The following IGSF3 variants were observed in gnomAD, a reference collection of about 807,000 sequenced individuals.
IGSF3 encodes the protein glu-Trp-Ile EWI motif-containing protein 3.
In IGSF3, 23 loss-of-function variants were observed where a neutral mutation model predicts 114.4. The ratio of observed to expected loss-of-function variants is 0.20; its 90% CI spans 0.14 to 0.28. The LOEUF is 0.28. Ranked by LOEUF, IGSF3 falls within the 10% of genes least tolerant of loss-of-function variation. The probability of loss-of-function intolerance (pLI) is 1.00; values close to 1 mark genes in which losing one functional copy is unlikely to be tolerated. For missense variants in IGSF3, 1,172 were observed against 1,591.5 expected, an observed-to-expected ratio of 0.74 and a Z score of 4.48; for synonymous variants, 571 against 645.2, an observed-to-expected ratio of 0.88 and a Z score of 1.74.
intron 2 of IGSF3, among the ~76,000 whole-genome samples, chr1:116,626,466 T>G (rs911582581): frequency 4.6e-4 from 70 of 152,360 alleles, no homozygotes; most frequent in African/African-American, 1.6e-3. Context: ...ATTTTATTTA[T>G]TCCAATATTA....
Position 116,642,405 on chromosome 1 carries a change from A to T in IGSF3, c.43+23879T>A, listed in dbSNP as rs1648148096. Among the ~76,000 whole-genome samples the T allele has an allele frequency of 6.6e-6, 1 of 152,146 alleles. No individual in the cohort carries two copies. The highest frequency in any genetic ancestry group is 2.4e-5 in the African/African-American group (1 of 41,432). On this transcript the variant is annotated intron_variant, in intron 2 of 10. Transcript: ENST00000369486. The surrounding 1 kb of genome is among the most constrained non-coding windows in gnomAD (Gnocchi z 5.4). ...TTCTGGATGCCTTCCAGCAGCTGGA[A>T]CAGGGCAGACCTGAGGCGGGAGTCC... is the stretch of plus-strand genomic sequence containing the variant.
chr1:116,601,203 T>A (rs1660567408), intron 6 of IGSF3, among the ~76,000 whole-genome samples: 1 of 152,206 alleles, frequency 6.6e-6, no homozygotes, highest in Admixed American at 6.5e-5. Flanking sequence ...CATCTCTTCC[T>A]GCAGATGTAG....
intron 2 of IGSF3, among the ~76,000 whole-genome samples, chr1:116,656,973 T>C (rs1648885098): frequency 1.3e-5 from 2 of 152,144 alleles, no homozygotes; most frequent in Admixed American, 1.3e-4. Flanking sequence ...CAAACAAATA[T>C]AAGCTACCTC....
rs181932809 is a variant in IGSF3 at position 116,610,531 on chromosome 1, A to G, written c.833-2200T>C. Among the ~76,000 whole-genome samples the G allele has an allele frequency of 2.6e-3, 391 of 152,244 alleles. 2 individuals carry two copies. Among genetic ancestry groups the G allele is most frequent in the African/African-American group, 8.8e-3 (366 of 41,558 alleles). On this transcript the variant is annotated intron_variant, in intron 4 of 10. Coordinates refer to ENST00000369486, the MANE Select transcript of IGSF3 (RefSeq NM_001007237.3). This position sits in a 1 kb window ranked among gnomAD's most constrained non-coding sequence, Gnocchi z 4.3. ...CCTTCCACTTCATCTCACTGAAATT[A>G]GGCTTCACTGACTTAGCAAATGTCA...
rs1194125203 is a variant in IGSF3 at position 116,614,069 on chromosome 1, G to A, written c.528C>T (p.His176=). 1 of 1,614,006 alleles carries A rather than the reference G, an allele frequency of 6.2e-7. No individual in the cohort carries two copies. Among genetic ancestry groups the A allele is most frequent in the East Asian group, 2.2e-5 (1 of 44,888 alleles). The change falls in exon 4 of 11, where the codon CAC becomes CAT. Residue 176 remains histidine (H), a synonymous_variant. Coordinates refer to ENST00000369486, the MANE Select transcript of IGSF3 (RefSeq NM_001007237.3). The surrounding 1 kb of genome is among the most constrained non-coding windows in gnomAD (Gnocchi z 4.5). ...TCEVASETIQ[H]SHLSVAWLRQ... is the part of the protein sequence containing the mutation. ...GGAGCCAGGCCACAGACAGGTGGCTGTGCTGAATGGTCTCTGAGGCCACCT... is the reference window on the plus strand; with the variant it reads ...GGAGCCAGGCCACAGACAGGTGGCTATGCTGAATGGTCTCTGAGGCCACCT...
rs919755838 is a variant in IGSF3 at position 116,588,636 on chromosome 1, C to T, written c.2440+58G>A. On this transcript the variant is annotated intron_variant, in intron 8 of 10. Coordinates refer to ENST00000369486, the MANE Select transcript of IGSF3 (RefSeq NM_001007237.3). This position sits in a 1 kb window ranked among gnomAD's most constrained non-coding sequence, Gnocchi z 4.9. ...CAGCCCCACAGATCCCCACCCACCC[C>T]CAGGCAGTCTCTGCACTAAACCCAC... The T allele has an allele frequency of 2.8e-6, 4 of 1,427,126 alleles. No homozygotes were observed. Among genetic ancestry groups the T allele is most frequent in the African/African-American group, 2.8e-5 (2 of 70,444 alleles). The allele number at this position is 1,427,126 out of a possible 1,614,324, so 88.4% of individuals were successfully genotyped here.
At position 116,649,319 on chromosome 1, in the gene IGSF3, GGGAGGCTGGAAAATCT is replaced by G. The variant is rs1367432271; in HGVS notation, c.43+16949_43+16964del. Among the ~76,000 whole-genome samples the G allele has an allele frequency of 1.9e-4, 29 of 152,234 alleles. No homozygotes were observed. Among genetic ancestry groups the G allele is most frequent in the Non-Finnish European group, 3.8e-4 (26 of 68,052 alleles). On this transcript the variant is annotated intron_variant, in intron 2 of 10. Coordinates refer to ENST00000369486, the MANE Select transcript of IGSF3 (RefSeq NM_001007237.3). This position sits in a 1 kb window ranked among gnomAD's most constrained non-coding sequence, Gnocchi z 4.5. ...TCACATGGCCCCAACTGAACTGTGAGGGAGGCTGGAAAATCTGGAGTATGTGCATGTCTAGTGAGTT... is the reference window on the plus strand; with the variant it reads ...TCACATGGCCCCAACTGAACTGTGAGGGAGTATGTGCATGTCTAGTGAGTT...
chr1:116,664,605 T>C lies in IGSF3; in HGVS notation c.43+1679A>G, dbSNP rs1221811814. Among the ~76,000 whole-genome samples the C allele has an allele frequency of 6.6e-6, 1 of 152,138 alleles. No homozygotes were observed. The highest frequency in any genetic ancestry group is 2.4e-5 in the African/African-American group (1 of 41,416). ...TCCACATGAATCACTAATTGCTGAT[T>C]TAAACCCAGACACTAAGCGAATGAC... On this transcript the variant is annotated intron_variant, in intron 2 of 10. Transcript: ENST00000369486. The surrounding 1 kb of genome is among the most constrained non-coding windows in gnomAD (Gnocchi z 4.6).
Position 116,662,640 on chromosome 1 carries a change from G to A in IGSF3, c.43+3644C>T, listed in dbSNP as rs933248187. 5.9e-5 allele frequency among the ~76,000 whole-genome samples: 9 copies of A among 152,176 alleles called. No individual in the cohort carries two copies. Among genetic ancestry groups the A allele is most frequent in the Non-Finnish European group, 1.2e-4 (8 of 68,020 alleles). ...ATTCTCACAGCTGAAAGGCATCCTAGTAGGCCAAGTCCTCCTGACAAGAAT... is the reference window on the plus strand; with the variant it reads ...ATTCTCACAGCTGAAAGGCATCCTAATAGGCCAAGTCCTCCTGACAAGAAT... On this transcript the variant is annotated intron_variant, in intron 2 of 10. Transcript: ENST00000369486. This position sits in a 1 kb window ranked among gnomAD's most constrained non-coding sequence, Gnocchi z 4.3.
chr1:116,652,192 G>A (rs1292126160), intron 2 of IGSF3, among the ~76,000 whole-genome samples: 3 of 152,290 alleles, frequency 2.0e-5, no homozygotes, highest in Middle Eastern at 3.4e-3. Context: ...GGGTTTCATA[G>A]GGACTATTTA....
Position 116,665,515 on chromosome 1 carries a change from T to C in IGSF3, c.43+769A>G, listed in dbSNP as rs144511782. On this transcript the variant is annotated intron_variant, in intron 2 of 10. Transcript: ENST00000369486. This position sits in a 1 kb window ranked among gnomAD's most constrained non-coding sequence, Gnocchi z 4.0. ...TCAATGGCATAAAAAGAATAGGCAA[T>C]TGTTGAGCAGAGGGGCCTCTTCACT... 3.7e-4 allele frequency among the ~76,000 whole-genome samples: 56 copies of C among 152,238 alleles called. 1 individual carries two copies. Among genetic ancestry groups the C allele is most frequent in the African/African-American group, 1.2e-3 (51 of 41,552 alleles).
chr1:116,596,081 C>G lies in IGSF3; in HGVS notation c.2029+3860G>C, dbSNP rs1200939016. Among the ~76,000 whole-genome samples the G allele has an allele frequency of 6.6e-6, 1 of 152,200 alleles. No homozygotes were observed. The highest frequency in any genetic ancestry group is 6.5e-5 in the Admixed American group (1 of 15,286). ...ATAACAGATCCACAAGTCAACTGTG[C>G]CATCCAACCAGAGATTCTGATGAAT... On this transcript the variant is annotated intron_variant, in intron 7 of 10. Coordinates refer to ENST00000369486, the MANE Select transcript of IGSF3 (RefSeq NM_001007237.3). This position sits in a 1 kb window ranked among gnomAD's most constrained non-coding sequence, Gnocchi z 4.1.
rs934755360 is a variant in IGSF3, at chr1:116,650,517, C to T, written c.43+15767G>A. Among the ~76,000 whole-genome samples, 3 of 152,182 alleles carry T rather than the reference C, an allele frequency of 2.0e-5. No individual in the cohort carries two copies. The highest frequency in any genetic ancestry group is 6.5e-5 in the Admixed American group (1 of 15,274). On this transcript the variant is annotated intron_variant, in intron 2 of 10. Coordinates refer to ENST00000369486, the MANE Select transcript of IGSF3 (RefSeq NM_001007237.3). This position sits in a 1 kb window ranked among gnomAD's most constrained non-coding sequence, Gnocchi z 5.0. ...CAGGATGGGCTCAGCTCAATCAGCA[C>T]GTACCCTAGAGCTGGAGGCAGGGTC...
rs574454667 is a variant in IGSF3, at chr1:116,646,343, G to T, written c.43+19941C>A. Reference sequence around the variant, plus strand: ...TTTTTAGGAGGAAGATGGAGAATTGGGGGGGGTCCACACAAAGAGGATGGA... The same window carrying T: ...TTTTTAGGAGGAAGATGGAGAATTGTGGGGGGTCCACACAAAGAGGATGGA... On this transcript the variant is annotated intron_variant, in intron 2 of 10. Transcript: ENST00000369486. Among the ~76,000 whole-genome samples the T allele has an allele frequency of 7.9e-5, 12 of 152,148 alleles. No homozygotes were observed. The South Asian group carries it at 1.9e-3, about 24-fold the overall frequency.
chr1:116,579,662 C>T lies in IGSF3; in HGVS notation c.3064G>A (p.Asp1022Asn), dbSNP rs540876761. 3.8e-6 allele frequency: 6 copies of T among 1,592,092 alleles called. No homozygotes were observed. Among genetic ancestry groups the T allele is most frequent in the African/African-American group, 1.4e-5 (1 of 73,176 alleles). ...EREEEEEEDD[D>N]DDDDPTERTA... ...CGCTCTGTTGGGTCGTCGTCGTCGT[C>T]GTCGTCCTCCTCCTCCTCCTCCTCC... Residue 1022 changes from aspartate to asparagine, a missense_variant, in exon 10 of 11, where the codon GAC becomes AAC. Physicochemically the swap from Asp to Asn is conservative, Grantham distance 23. This residue lies in a region of IGSF3 where 423 missense variants were observed against 509.8 expected (regional missense o/e 0.83). Coordinates refer to ENST00000369486, the MANE Select transcript of IGSF3 (RefSeq NM_001007237.3). The surrounding 1 kb of genome is among the most constrained non-coding windows in gnomAD (Gnocchi z 6.4).
chr1:116,612,495 G>A lies in IGSF3; in HGVS notation c.832+1270C>T, dbSNP rs1661059923. On this transcript the variant is annotated intron_variant, in intron 4 of 10. Transcript: ENST00000369486. The surrounding 1 kb of genome is among the most constrained non-coding windows in gnomAD (Gnocchi z 4.1). ...GGTCCCATCCCAGGAGCCTCCAATT[G>A]AAGACTTCTGGGACGAAGCCCCAAA... 6.6e-6 allele frequency among the ~76,000 whole-genome samples: 1 copy of A among 152,122 alleles called. No individual in the cohort carries two copies. Among genetic ancestry groups the A allele is most frequent in the South Asian group, 2.1e-4 (1 of 4,814 alleles).
chr1:116,603,815 C>T lies in IGSF3; in HGVS notation c.1433G>A (p.Arg478His), dbSNP rs780299210. 6 of 1,613,862 alleles carry T rather than the reference C, an allele frequency of 3.7e-6. No individual in the cohort carries two copies. The highest frequency in any genetic ancestry group is 1.1e-5 in the South Asian group (1 of 91,082). ...CATCTGGACGCCCCCAAAGCTGCTG[C>T]GCTCCCAGTAGGACGAGCCTGGCTG... ...TVQPGSSYWE[R>H]SSFGGVQMEQ... The change falls in exon 6 of 11, where the codon CGC becomes CAC. Residue 478 changes from arginine (R) to histidine (H), a missense_variant. Coordinates refer to ENST00000369486, the MANE Select transcript of IGSF3 (RefSeq NM_001007237.3). This position sits in a 1 kb window ranked among gnomAD's most constrained non-coding sequence, Gnocchi z 7.1.
chr1:116,658,393 C>A (rs1410116128), intron 2 of IGSF3, among the ~76,000 whole-genome samples: 2 of 151,580 alleles, frequency 1.3e-5, no homozygotes, highest in Non-Finnish European at 2.9e-5. Context: ...AGAAACAGGC[C>A]CCCCTTTGCT....
At chr1:116,611,522 T>C (rs555551186) in intron 4 of IGSF3, among the ~76,000 whole-genome samples, 13 of 152,140 alleles carry the variant, frequency 8.5e-5, no homozygotes, top group African/African-American at 3.1e-4. Context: ...ATCACTGCAT[T>C]TGGGGCTTCG....
Sources: gnomAD v4.1 joint callset for allele counts (sites outside exome capture counted in the v4.1 genomes callset) on GRCh38, gnomAD v4.1.1 for gene constraint, gnomAD v4.1.1 regional missense constraint, Gnocchi (gnomAD v3.1) non-coding constraint, MANE v1.5 for transcripts, NCBI Gene and HGNC (gene_info 2026-07-23, HGNC 2026-07-21) for gene names.